The following ARHGAP15 variants were observed in gnomAD, a reference collection of about 807,000 sequenced individuals.
ARHGAP15 encodes the protein Rho GTPase activating protein 15, also known as rho GTPase-activating protein 15.
ARHGAP15 carries 51 observed loss-of-function variants against 63.7 expected under a neutral mutation model. The observed-to-expected ratio is 0.80, with a 90% CI of 0.64 to 1.01. The LOEUF (loss-of-function observed/expected upper bound fraction) is 1.01. ARHGAP15 is among the 50% of genes least tolerant of loss of function. The pLI is 0.00. For synonymous variants in ARHGAP15, 191 were observed against 193.8 expected (o/e 0.99, Z 0.12); for missense variants, 560 against 564.6 (o/e 0.99, Z 0.08).
intron 8 of ARHGAP15, among the ~76,000 whole-genome samples, chr2:143,485,024 T>A (rs1692261429): frequency 6.6e-6 from 1 of 152,210 alleles, no homozygotes; most frequent in Admixed American, 6.5e-5. Context: ...CCCTAAGAGC[T>A]GAGGACATCT....
chr2:143,249,280 A>T (rs1236068519), intron 5 of ARHGAP15, among the ~76,000 whole-genome samples: 2 of 152,056 alleles, frequency 1.3e-5, no homozygotes, highest in African/African-American at 4.8e-5. Context: ...TTTCAAAAAA[A>T]AATTCAGTTG....
intron 8 of ARHGAP15, among the ~76,000 whole-genome samples, chr2:143,478,426 A>T (rs1691924077): frequency 6.6e-6 from 1 of 152,140 alleles, no homozygotes; most frequent in African/African-American, 2.4e-5. Context: ...ATGGTGAGGC[A>T]AGGGGGTGGG....
chr2:143,317,519 A>G (rs1211035630), intron 6 of ARHGAP15, among the ~76,000 whole-genome samples: 2 of 152,248 alleles, frequency 1.3e-5, no homozygotes, highest in Non-Finnish European at 2.9e-5. Context: ...TAGGTGATAT[A>G]GTGATGACAT....
chr2:143,668,127 CTG>C (rs1574810407), intron 12 of ARHGAP15, among the ~76,000 whole-genome samples: 1 of 152,072 alleles, frequency 6.6e-6, no homozygotes, highest in South Asian at 2.1e-4. Flanking sequence ...CTAGGTAACA[CTG>C]TTCGCAAATC....
At chr2:143,610,627 C>A (rs964986829) in intron 11 of ARHGAP15, among the ~76,000 whole-genome samples, 4 of 152,268 alleles carry the variant, frequency 2.6e-5, no homozygotes, top group African/African-American at 9.6e-5. Flanking sequence ...AAATGTACGG[C>A]ATTGTAATTG....
chr2:143,216,275 A>G (rs1692752780), intron 3 of ARHGAP15, 109 bp from the exon 4 acceptor site: 2 of 779,850 alleles, frequency 2.6e-6, no homozygotes, highest in South Asian at 1.8e-5. Context: ...ATAAAGTTCT[A>G]TGACTGAAAA....
At chr2:143,539,132 A>G (rs965554547) in intron 10 of ARHGAP15, among the ~76,000 whole-genome samples, 2 of 152,180 alleles carry the variant, frequency 1.3e-5, no homozygotes, top group Non-Finnish European at 2.9e-5. Flanking sequence ...TGAGGAACTT[A>G]TCCACTTCTT....
chr2:143,449,813 T>G (rs1437415391), intron 8 of ARHGAP15, among the ~76,000 whole-genome samples: 1 of 152,016 alleles, frequency 6.6e-6, no homozygotes, highest in Non-Finnish European at 1.5e-5. Context: ...TTTTTTTTCA[T>G]GTCTACCTTT....
chr2:143,725,998 T>A (rs1295334272), intron 13 of ARHGAP15, among the ~76,000 whole-genome samples: 1 of 152,220 alleles, frequency 6.6e-6, no homozygotes, highest in Admixed American at 6.5e-5. Context: ...GTATAAAAGA[T>A]GGGACAATTA....
chr2:143,545,281 C>G (rs778110443), intron 10 of ARHGAP15, among the ~76,000 whole-genome samples: 1 of 152,098 alleles, frequency 6.6e-6, no homozygotes, highest in Non-Finnish European at 1.5e-5. Flanking sequence ...TTGGAGGCAC[C>G]TCCCCAAAGA....
At chr2:143,191,768 T>C (rs887917448) in intron 2 of ARHGAP15, among the ~76,000 whole-genome samples, 5 of 152,202 alleles carry the variant, frequency 3.3e-5, no homozygotes, top group Admixed American at 6.5e-5. Context: ...CCAATTTAGC[T>C]TCAAATAATA....
intron 6 of ARHGAP15, among the ~76,000 whole-genome samples, chr2:143,330,119 AAAAAAAAAAAAAC>A (rs1558897882): frequency 1.3e-4 from 9 of 67,152 alleles, no homozygotes; most frequent in East Asian, 6.8e-4. Context: ...AAAAAAAAAA[AAAAAAAAAAAAAC>A]CAAAAACAAA....
chr2:143,549,148 A>C (rs1210001734), intron 10 of ARHGAP15, among the ~76,000 whole-genome samples: 1 of 152,158 alleles, frequency 6.6e-6, no homozygotes, highest in African/African-American at 2.4e-5. Flanking sequence ...AAAATAATAT[A>C]ATAGTATCTT....
intron 6 of ARHGAP15, among the ~76,000 whole-genome samples, chr2:143,358,577 T>C (rs2105330130): frequency 6.6e-6 from 1 of 151,662 alleles, no homozygotes; most frequent in East Asian, 2.0e-4. Context: ...AAGGCACTTA[T>C]TTTCTTTACA....
chr2:143,335,460 C>T (rs563390462), intron 6 of ARHGAP15, among the ~76,000 whole-genome samples: 2 of 146,040 alleles, frequency 1.4e-5, no homozygotes, highest in East Asian at 2.4e-4. Flanking sequence ...GTAGTAGTCC[C>T]CCTTCTTGCA....
chr2:143,560,804 C>T (rs557972516), intron 11 of ARHGAP15, among the ~76,000 whole-genome samples: 11 of 152,332 alleles, frequency 7.2e-5, no homozygotes, highest in East Asian at 5.8e-4. Flanking sequence ...TACTTTAACA[C>T]GCTATTCTGT....
intron 6 of ARHGAP15, among the ~76,000 whole-genome samples, chr2:143,404,194 A>G (rs955528388): frequency 1.3e-5 from 2 of 151,868 alleles, no homozygotes; most frequent in Non-Finnish European, 2.9e-5. Context: ...ACCTTGAAGG[A>G]CAAGGGAAAC....
chr2:143,740,887 A>G (rs1685936300), intron 13 of ARHGAP15, among the ~76,000 whole-genome samples: 1 of 151,858 alleles, frequency 6.6e-6, no homozygotes, highest in Non-Finnish European at 1.5e-5. Context: ...CATCCCATCC[A>G]TTTTTTTCCA....
At chr2:143,158,125 T>C (rs1243913329) in intron 2 of ARHGAP15, among the ~76,000 whole-genome samples, 1 of 151,930 alleles carries the variant, frequency 6.6e-6, no homozygotes, top group Admixed American at 6.6e-5. Context: ...AAGGATCTGA[T>C]ATTACATTCA....
Sources: allele counts gnomAD v4.1 joint callset (sites outside exome capture counted in the v4.1 genomes callset), GRCh38; gene constraint gnomAD v4.1.1; transcripts MANE v1.5; gene names NCBI Gene and HGNC (gene_info 2026-07-23, HGNC 2026-07-21).